The following L3MBTL4 variants were observed in gnomAD, a reference collection of about 807,000 sequenced individuals.
The protein encoded by L3MBTL4 is L3MBTL histone methyl-lysine binding protein 4, also known as lethal(3)malignant brain tumor-like protein 4.
Under a neutral mutation model 84.5 loss-of-function variants are expected in L3MBTL4, and 70 were observed. That is an observed-to-expected ratio of 0.83 (90% CI 0.68 to 1.01). L3MBTL4 has a LOEUF of 1.01. Among genes scored for constraint, L3MBTL4 ranks in the 50% least tolerant of loss-of-function variants. The pLI, the probability that L3MBTL4 is intolerant of heterozygous loss-of-function variation, is 0.00. For synonymous variants in L3MBTL4, 274 were observed against 259.8 expected (o/e 1.05, Z -0.52); for missense variants, 715 against 754.8 (o/e 0.95, Z 0.62).
chr18:6,159,067 C>A (rs757986913), intron 13 of L3MBTL4, among the ~76,000 whole-genome samples: 4 of 152,162 alleles, frequency 2.6e-5, no homozygotes, highest in Admixed American at 6.5e-5. Flanking sequence ...TCACTGCAGG[C>A]GACCCAGGTA....
In L3MBTL4 at chr18:6,185,044, G is replaced by C. The variant is rs953900022; in HGVS notation, c.982-13102C>G. 2.0e-5 allele frequency among the ~76,000 whole-genome samples: 3 copies of C among 152,146 alleles called. 1 individual carries two copies. Among genetic ancestry groups the C allele is most frequent in the Non-Finnish European group, 2.9e-5 (2 of 68,012 alleles). On this transcript the variant is annotated intron_variant, in intron 12 of 18. Transcript: ENST00000317931. ...GAAGCAGGGTTTTGATTTTTCTTTG[G>C]TTTGGTTAATTTTGTTGTTGAAGGG... is the stretch of plus-strand genomic sequence containing the variant.
At chr18:6,298,872 CCAAAAAAAAA>C (rs1220127039) in intron 4 of L3MBTL4, among the ~76,000 whole-genome samples, 2 of 151,526 alleles carry the variant, frequency 1.3e-5, no homozygotes, top group African/African-American at 4.9e-5. Context: ...GAAATTCTGT[CCAAAAAAAAA>C]CAAAACAAAA....
intron 4 of L3MBTL4, among the ~76,000 whole-genome samples, chr18:6,266,042 T>C (rs1041286072): frequency 3.3e-5 from 5 of 152,226 alleles, no homozygotes; most frequent in Non-Finnish European, 5.9e-5. Flanking sequence ...TCCACAAGCA[T>C]ATTTCAAAAA....
At chr18:6,164,251 G>A (rs1046335325) in intron 13 of L3MBTL4, among the ~76,000 whole-genome samples, 1 of 152,202 alleles carries the variant, frequency 6.6e-6, no homozygotes, top group Non-Finnish European at 1.5e-5. Flanking sequence ...TCCACCTCTG[G>A]GGGCAGGGCA....
intron 1 of L3MBTL4, among the ~76,000 whole-genome samples, chr18:6,337,371 G>A (rs1466233467): frequency 7.2e-5 from 11 of 152,018 alleles, no homozygotes; most frequent in Admixed American, 7.2e-4. Flanking sequence ...AAATGTTCAG[G>A]AGAAGAATGG....
At chr18:6,106,941 G>A (rs1418429646) in intron 14 of L3MBTL4, among the ~76,000 whole-genome samples, 2 of 151,902 alleles carry the variant, frequency 1.3e-5, no homozygotes, top group African/African-American at 2.4e-5. Context: ...TTTGACCTGG[G>A]GACTACAAAA....
intron 16 of L3MBTL4, among the ~76,000 whole-genome samples, chr18:6,040,117 G>A (rs2056334604): frequency 6.6e-6 from 1 of 152,046 alleles, no homozygotes; most frequent in Admixed American, 6.6e-5. Context: ...AAAAATACTT[G>A]GAATCTTACT....
chr18:6,392,915 C>T (rs1162295785), intron 1 of L3MBTL4, among the ~76,000 whole-genome samples: 1 of 152,034 alleles, frequency 6.6e-6, no homozygotes, highest in South Asian at 2.1e-4. Flanking sequence ...ACTTTGGAGA[C>T]TCAGAAGTGG....
chr18:5,982,010 T>TGTGTG (rs1195631086), intron 16 of L3MBTL4, among the ~76,000 whole-genome samples: 1 of 56,452 alleles, frequency 1.8e-5, no homozygotes, highest in African/African-American at 1.9e-4. Context: ...GTGTGTGTGT[T>TGTGTG]TTGGGAAAAA....
intron 16 of L3MBTL4, among the ~76,000 whole-genome samples, chr18:6,034,803 G>A (rs1350255191): frequency 1.3e-5 from 2 of 149,796 alleles, no homozygotes; most frequent in South Asian, 4.2e-4. Flanking sequence ...ATCCTCTCCA[G>A]CACCTGTTGT....
chr18:6,210,400 A>C (rs966760673), intron 12 of L3MBTL4, among the ~76,000 whole-genome samples: 1 of 152,180 alleles, frequency 6.6e-6, no homozygotes, highest in Non-Finnish European at 1.5e-5. Flanking sequence ...TTAGGATAAA[A>C]ATTAGAACAC....
intron 15 of L3MBTL4, among the ~76,000 whole-genome samples, chr18:6,091,504 C>T (rs190355271): frequency 1.2e-3 from 177 of 152,288 alleles, no homozygotes; most frequent in Admixed American, 3.4e-3. Flanking sequence ...ACAGGACAAC[C>T]GGTGATTTGT....
At chr18:6,081,171 T>G (rs1031184746) in intron 15 of L3MBTL4, 1 of 410,900 alleles carries the variant, frequency 2.4e-6, no homozygotes, top group African/African-American at 2.1e-5. Context: ...AAAAGGCCTT[T>G]CCCCCCTCAT....
chr18:6,249,415 A>G (rs1334164245), intron 5 of L3MBTL4, among the ~76,000 whole-genome samples: 1 of 152,200 alleles, frequency 6.6e-6, no homozygotes, highest in Non-Finnish European at 1.5e-5. Context: ...AATTTGAGAC[A>G]TTGACAATAC....
chr18:6,135,025 C>A lies in L3MBTL4; in HGVS notation c.1199+3169G>T, dbSNP rs141696924. Among the ~76,000 whole-genome samples, 1,256 of 152,310 alleles carry A rather than the reference C, an allele frequency of 8.2e-3. 8 individuals carry two copies. Among genetic ancestry groups the A allele is most frequent in the Middle Eastern group, 0.014 (4 of 294 alleles). ...GCATCCAGGCATTTCCATACATCTT[C>A]TTAAATCTAGGCGGAGGTTCCCAAA... On this transcript the variant is annotated intron_variant, in intron 14 of 18. Transcript: ENST00000317931.
At chr18:6,226,604 A>G (rs2046794206) in intron 10 of L3MBTL4, among the ~76,000 whole-genome samples, 1 of 152,214 alleles carries the variant, frequency 6.6e-6, no homozygotes, top group Admixed American at 6.5e-5. Flanking sequence ...ATGGCAGGAA[A>G]GAAAATGGAA....
At chr18:6,264,513 G>T (rs1247841848) in intron 4 of L3MBTL4, among the ~76,000 whole-genome samples, 1 of 152,200 alleles carries the variant, frequency 6.6e-6, no homozygotes, top group Non-Finnish European at 1.5e-5. Context: ...GCCTGGCGTG[G>T]TGACTCACGC....
intron 5 of L3MBTL4, among the ~76,000 whole-genome samples, chr18:6,258,439 T>G (rs535241446): frequency 4.6e-5 from 7 of 152,012 alleles, no homozygotes; most frequent in African/African-American, 7.3e-5. Flanking sequence ...GGGGAGAGGA[T>G]AGCAGGGAGG....
intron 12 of L3MBTL4, among the ~76,000 whole-genome samples, chr18:6,172,315 A>G (rs780405449): frequency 1.3e-5 from 2 of 152,166 alleles, no homozygotes; most frequent in Non-Finnish European, 2.9e-5. Flanking sequence ...AGCATCATCA[A>G]CAGTAAGAGT....
Sources: gnomAD v4.1 joint callset for allele counts (sites outside exome capture counted in the v4.1 genomes callset) on GRCh38, gnomAD v4.1.1 for gene constraint, MANE v1.5 for transcripts, NCBI Gene and HGNC (gene_info 2026-07-23, HGNC 2026-07-21) for gene names.